EIPR1: variants seen among roughly 807,000 people sequenced by gnomAD.
EIPR1 encodes the protein EARP and GARP complex-interacting protein 1.
In EIPR1, 25 loss-of-function variants were observed where a neutral mutation model predicts 48.1. The ratio of observed to expected loss-of-function variants is 0.52; its 90% CI spans 0.38 to 0.73. EIPR1 has a LOEUF of 0.73. EIPR1 is among the 30% of genes least tolerant of loss of function. The pLI is 0.00. For synonymous variants in EIPR1, 204 were observed against 201.9 expected, an observed-to-expected ratio of 1.01 and a Z score of -0.09; for missense variants, 415 against 506.2, an observed-to-expected ratio of 0.82 and a Z score of 1.73.
intron 3 of EIPR1, among the ~76,000 whole-genome samples, chr2:3,305,528 A>G (rs1363009568): frequency 1.5e-5 from 2 of 135,150 alleles, no homozygotes; most frequent in Admixed American, 7.2e-5. Context: ...CTCCACTCCC[A>G]TCCAGTTCAA....
At chr2:3,253,621 G>T (rs565818603) in intron 4 of EIPR1, among the ~76,000 whole-genome samples, 6 of 152,336 alleles carry the variant, frequency 3.9e-5, no homozygotes, top group African/African-American at 1.4e-4. Context: ...TTCCCAGCTA[G>T]TCTCTGTCTG....
intron 2 of EIPR1, among the ~76,000 whole-genome samples, chr2:3,344,520 A>G (rs949564854): frequency 3.3e-5 from 5 of 151,916 alleles, no homozygotes; most frequent in African/African-American, 7.3e-5. Context: ...TGGGCAAGTC[A>G]CTAACCCTTT....
chr2:3,371,438 A>G (rs548722032), intron 1 of EIPR1, among the ~76,000 whole-genome samples: 105 of 152,216 alleles, frequency 6.9e-4, no homozygotes, highest in Non-Finnish European at 1.3e-3. Flanking sequence ...CAGACTGGCA[A>G]ATTGGATAAA....
intron 1 of EIPR1, among the ~76,000 whole-genome samples, chr2:3,366,582 T>C (rs1670978029): frequency 6.6e-6 from 1 of 151,872 alleles, no homozygotes; most frequent in Non-Finnish European, 1.5e-5. Flanking sequence ...CACAAAACAA[T>C]AAAATCAAGA....
intron 4 of EIPR1, among the ~76,000 whole-genome samples, 198 bp downstream of exon 4, chr2:3,257,101 G>A (rs1197608386): frequency 2.0e-5 from 3 of 152,330 alleles, no homozygotes; most frequent in Middle Eastern, 3.4e-3. Context: ...ATGCAGGCGC[G>A]CTGGCTACAT....
At chr2:3,256,659 GC>G (rs1667166035) in intron 4 of EIPR1, among the ~76,000 whole-genome samples, 1 of 152,326 alleles carries the variant, frequency 6.6e-6, no homozygotes, top group South Asian at 2.1e-4. Flanking sequence ...ACAACAGTAT[GC>G]CCCCGCAATC....
In EIPR1 at chr2:3,345,985, G is replaced by A. The variant is rs566964185; in HGVS notation, c.127-7836C>T. Among the ~76,000 whole-genome samples, 18 of 152,310 alleles carry A rather than the reference G, an allele frequency of 1.2e-4. No homozygotes were observed. The South Asian group carries it at 1.7e-3, about 14-fold the overall frequency. ...CACCACCACCGTGCCAGAGAAATGC[G>A]TTAAGGAAACCCTTATGAAACAGAT... On this transcript the variant is annotated intron_variant, in intron 2 of 8. Transcript: ENST00000382125.
In EIPR1 at chr2:3,348,068, C is replaced by CG. The variant is rs554028959; in HGVS notation, c.126+6481dup. ...CACAGGTGAGAACAGGACTTGCAGG[C>CG]GGGGGGGCTGCAGGAACAAAGTTGT... On this transcript the variant is annotated intron_variant, in intron 2 of 8. Coordinates refer to ENST00000382125, the MANE Select transcript of EIPR1 (RefSeq NM_003310.5). Among the ~76,000 whole-genome samples, 432 of 152,112 alleles carry CG rather than the reference C, an allele frequency of 2.8e-3. 2 individuals are homozygous for CG. The highest frequency in any genetic ancestry group is 0.014 in the Middle Eastern group (4 of 294).
chr2:3,192,327 T>G, intron 8 of EIPR1, 87 bp downstream of exon 8: 1 of 1,440,184 alleles, frequency 6.9e-7, no homozygotes, highest in South Asian at 1.5e-5. Flanking sequence ...CTGGAAACTT[T>G]CTACATACAC....
At chr2:3,200,602 C>T (rs951150445) in intron 5 of EIPR1, among the ~76,000 whole-genome samples, 1 of 151,904 alleles carries the variant, frequency 6.6e-6, no homozygotes, top group Non-Finnish European at 1.5e-5. Flanking sequence ...GAGCAGCCGC[C>T]ACGTGTGGGG....
intron 1 of EIPR1, among the ~76,000 whole-genome samples, chr2:3,359,368 T>C (rs1670802629): frequency 6.6e-6 from 1 of 152,128 alleles, no homozygotes; most frequent in African/African-American, 2.4e-5. Flanking sequence ...TCTAAAGCAA[T>C]TTGCAGAGCC....
intron 5 of EIPR1, among the ~76,000 whole-genome samples, chr2:3,204,077 T>C (rs914956709): frequency 1.3e-5 from 2 of 152,164 alleles, no homozygotes; most frequent in African/African-American, 4.8e-5. Context: ...ACAGACAGAC[T>C]AACACGAGGC....
At chr2:3,293,309 T>G (rs1419109382) in intron 3 of EIPR1, among the ~76,000 whole-genome samples, 1 of 152,084 alleles carries the variant, frequency 6.6e-6, no homozygotes, top group Non-Finnish European at 1.5e-5. Flanking sequence ...GGTCAGTGGC[T>G]CCTCCAGGAG....
chr2:3,287,338 G>A (rs188246590), intron 3 of EIPR1, among the ~76,000 whole-genome samples: 129 of 149,414 alleles, frequency 8.6e-4, no homozygotes, highest in African/African-American at 2.8e-3. Context: ...CAGAAAGCTC[G>A]TTCACTGCGC....
chr2:3,213,693 C>G (rs1665531744), intron 5 of EIPR1, among the ~76,000 whole-genome samples: 1 of 152,160 alleles, frequency 6.6e-6, no homozygotes, highest in Admixed American at 6.5e-5. Context: ...ATCTCACAAG[C>G]CCTGAGTGAC....
intron 4 of EIPR1, among the ~76,000 whole-genome samples, chr2:3,236,735 TCTTC>T (rs1377175390): frequency 6.6e-6 from 1 of 152,182 alleles, no homozygotes; most frequent in African/African-American, 2.4e-5. Flanking sequence ...ACTCCTACGC[TCTTC>T]CTTATTGTAC....
At chr2:3,260,066 C>T (rs191261497) in intron 3 of EIPR1, among the ~76,000 whole-genome samples, 3 of 152,288 alleles carry the variant, frequency 2.0e-5, no homozygotes, top group Admixed American at 1.3e-4. Context: ...CAGAAAAAGA[C>T]GAATAACATA....
intron 3 of EIPR1, among the ~76,000 whole-genome samples, chr2:3,285,462 C>T (rs1668154434): frequency 6.6e-6 from 1 of 152,110 alleles, no homozygotes; most frequent in Non-Finnish European, 1.5e-5. Flanking sequence ...AAACACTGAG[C>T]GTTGGGGACT....
chr2:3,339,462 C>T (rs1346500899), intron 2 of EIPR1, among the ~76,000 whole-genome samples: 1 of 152,214 alleles, frequency 6.6e-6, no homozygotes. Flanking sequence ...AACTGCTCCT[C>T]TCAGGGTCTG....
Sources: gnomAD v4.1 joint callset for allele counts (sites outside exome capture counted in the v4.1 genomes callset) on GRCh38, gnomAD v4.1.1 for gene constraint, MANE v1.5 for transcripts, NCBI Gene and HGNC (gene_info 2026-07-23, HGNC 2026-07-21) for gene names.